ATRX: variants seen among roughly 807,000 people sequenced by gnomAD.
The protein encoded by ATRX is ATRX chromatin remodeler, also known as chromatin remodeler ATRX.
A neutral mutation model predicts 172.6 loss-of-function variants in ATRX; 12 were observed. That is an observed-to-expected ratio of 0.07 (90% confidence interval 0.04 to 0.11). The LOEUF (loss-of-function observed/expected upper bound fraction) is 0.11, where lower values mean the gene tolerates loss of function less well. ATRX is among the 10% of genes least tolerant of loss of function. ATRX has a pLI of 1.00. For missense variants in ATRX, 1,368 were observed against 1,767.4 expected, an observed-to-expected ratio of 0.77 and a Z score of 4.05; for synonymous variants, 674 against 594.7, an observed-to-expected ratio of 1.13 and a Z score of -1.94.
At chrX:77,592,442 T>C (rs1421358913) in intron 26 of ATRX, among the ~76,000 whole-genome samples, 1 of 99,113 alleles carries the variant, frequency 1.0e-5, no homozygotes, top group Non-Finnish European at 2.0e-5. Context: ...GCATCTCAGA[T>C]ACTTTTAAAA....
intron 30 of ATRX, among the ~76,000 whole-genome samples, chrX:77,550,402 G>C (rs1380131101): frequency 8.9e-6 from 1 of 111,740 alleles, no homozygotes. Flanking sequence ...AAAGGCCTTT[G>C]ACAAAATTCA....
intron 1 of ATRX, among the ~76,000 whole-genome samples, chrX:77,717,486 T>C (rs1307406436): frequency 9.1e-6 from 1 of 109,434 alleles, no homozygotes; most frequent in African/African-American, 3.3e-5. Flanking sequence ...GCCTGTGGTC[T>C]CAGCTACTCA....
At chrX:77,614,533 A>C (rs1316525272) in intron 22 of ATRX, among the ~76,000 whole-genome samples, 3 of 112,017 alleles carry the variant, frequency 2.7e-5, no homozygotes, top group African/African-American at 9.7e-5. Context: ...AAAGCCCCCT[A>C]AATTCTTAAA....
Position 77,574,487 on chromosome X carries a change from A to T in ATRX, c.6218-129T>A, listed in dbSNP as rs185181400. The T allele has an allele frequency of 2.4e-5, 11 of 466,849 alleles. No individual in the cohort carries two copies. The African/African-American group carries it at 2.4e-4, about 10-fold the overall frequency. The allele number at this position is 466,849 out of a possible 1,213,427, so 38.5% of individuals were successfully genotyped here. On this transcript the variant is annotated intron_variant, in intron 27 of 34. Transcript: ENST00000373344. ...ATATTCTATTTGTATAGCAAAATAC[A>T]TTATATACTTTTCTTAATCAAGGAG...
chrX:77,590,058 G>C, intron 26 of ATRX, 118 bp from the exon 27 acceptor site: 1 of 630,453 alleles, frequency 1.6e-6, no homozygotes. Flanking sequence ...GGATTTTTTT[G>C]TAGAAATTAC....
chrX:77,585,735 G>A (rs1235952159), intron 27 of ATRX, among the ~76,000 whole-genome samples: 2 of 108,134 alleles, frequency 1.8e-5, no homozygotes, highest in Non-Finnish European at 3.8e-5. Flanking sequence ...AAGACTTGGA[G>A]ACAACCTAAG....
intron 1 of ATRX, among the ~76,000 whole-genome samples, chrX:77,725,199 T>C (rs782111067): frequency 1.3e-4 from 14 of 111,512 alleles, no homozygotes; most frequent in Admixed American, 7.7e-4. Flanking sequence ...GCTGGAGGCA[T>C]CACGCTACCT....
At chrX:77,650,440 CT>C (rs2069155067) in intron 15 of ATRX, among the ~76,000 whole-genome samples, 1 of 111,734 alleles carries the variant, frequency 8.9e-6, no homozygotes, top group Admixed American at 9.5e-5. Flanking sequence ...CAAAAATAAT[CT>C]GGTTTCTTAA....
At chrX:77,658,262 C>T (rs886663106) in intron 12 of ATRX, among the ~76,000 whole-genome samples, 1 of 112,150 alleles carries the variant, frequency 8.9e-6, no homozygotes, top group Non-Finnish European at 1.9e-5. Context: ...GCACTGAAGA[C>T]ACAACATCAC....
chrX:77,757,927 C>T (rs1251219301), intron 1 of ATRX, among the ~76,000 whole-genome samples: 1 of 109,644 alleles, frequency 9.1e-6, no homozygotes, highest in African/African-American at 3.3e-5. Context: ...GCCTCGGCCT[C>T]CCAATTGACT....
In ATRX at chrX:77,508,538, GC is replaced by G. The variant is rs1448387572; in HGVS notation, c.7291del (p.Ala2431GlnfsTer7). ...QQQQQMTYQQ[A>X]TLGHLMMPKP... ...TGGCATCATGAGGTGACCCAGTGTT[GC>G]TTGTTGATAAGTCATTTGTTGCTGT... is the stretch of plus-strand genomic sequence containing the variant. On this transcript the variant is annotated frameshift_variant, in exon 35 of 35. Transcript: ENST00000373344. LOFTEE classifies it high-confidence loss of function. The G allele has an allele frequency of 8.3e-7, 1 of 1,209,919 alleles. No homozygotes were observed. The highest frequency in any genetic ancestry group is 1.1e-6 in the Non-Finnish European group (1 of 895,256).
chrX:77,591,578 T>C (rs2066256222), intron 26 of ATRX, among the ~76,000 whole-genome samples: 1 of 111,407 alleles, frequency 9.0e-6, no homozygotes, highest in Non-Finnish European at 1.9e-5. Context: ...ACCACTTAAG[T>C]GTTTTTTATT....
chrX:77,663,691 G>A, intron 11 of ATRX, 133 bp from the exon 12 acceptor site: 2 of 508,368 alleles, frequency 3.9e-6, no homozygotes, highest in Non-Finnish European at 6.6e-6. Flanking sequence ...TATCATTGGT[G>A]TTATCAGGTA....
chrX:77,750,236 AC>A (rs2075246790), intron 1 of ATRX, among the ~76,000 whole-genome samples: 1 of 111,859 alleles, frequency 8.9e-6, no homozygotes, highest in African/African-American at 3.2e-5. Context: ...CAGGAAAAAA[AC>A]ATAAGTGTAT....
In ATRX at chrX:77,523,395, T is replaced by C. The variant is rs782595549; in HGVS notation, c.6706A>G (p.Ile2236Val). The C allele has an allele frequency of 3.3e-6, 4 of 1,207,706 alleles. No individual in the cohort carries two copies. Among genetic ancestry groups the C allele is most frequent in the Non-Finnish European group, 4.5e-6 (4 of 892,028 alleles). ...TGTATCTGAAGGAGCTCTGCAAGTA[T>C]GGTATCCTGTTTAGAGGGGTTGAAA... is the stretch of plus-strand genomic sequence containing the variant. ...RDTPMLPKDT[I>V]LAELLQIHKE... Residue 2236 changes from isoleucine (I) to valine (V), a missense_variant, in exon 31 of 35, where the codon ATA becomes GTA. Physicochemically the swap from Ile to Val is conservative, Grantham distance 29 (BLOSUM62 3). This residue lies in a region of ATRX where 18 missense variants were observed against 52.4 expected (regional missense o/e 0.34). Coordinates refer to ENST00000373344, the MANE Select transcript of ATRX (RefSeq NM_000489.6).
Position 77,606,937 on chromosome X carries a change from C to G in ATRX, c.5567-6373G>C, listed in dbSNP as rs574147585. Among the ~76,000 whole-genome samples, 5 of 111,189 alleles carry G rather than the reference C, an allele frequency of 4.5e-5. No individual in the cohort carries two copies. In the Admixed American group the frequency reaches 4.8e-4, roughly 11 times the overall value. On this transcript the variant is annotated intron_variant, in intron 22 of 34. Transcript: ENST00000373344. Reference sequence around the variant, plus strand: ...AGCACATGTGATAATATTCAACATCCCTTCATAATAAAAAGCCCTAAAAAA... The same window carrying G: ...AGCACATGTGATAATATTCAACATCGCTTCATAATAAAAAGCCCTAAAAAA...
chrX:77,543,597 G>T (rs968804734), intron 30 of ATRX, among the ~76,000 whole-genome samples: 3 of 111,826 alleles, frequency 2.7e-5, no homozygotes, highest in African/African-American at 9.8e-5. Context: ...AGAAAACGTG[G>T]CATATATACA....
chrX:77,672,022 T>C (rs1029648166), intron 10 of ATRX, among the ~76,000 whole-genome samples: 1 of 110,933 alleles, frequency 9.0e-6, no homozygotes, highest in Non-Finnish European at 1.9e-5. Context: ...ACACCTGTGT[T>C]ATACTTAAAT....
At chrX:77,572,268 C>T (rs999586263) in intron 28 of ATRX, among the ~76,000 whole-genome samples, 30 of 110,854 alleles carry the variant, frequency 2.7e-4, no homozygotes, top group African/African-American at 8.8e-4. Flanking sequence ...TGAGTGCCAA[C>T]GTAACACTCG....
Sources: allele counts gnomAD v4.1 joint callset (sites outside exome capture counted in the v4.1 genomes callset), GRCh38; gene constraint gnomAD v4.1.1; regional missense constraint gnomAD v4.1.1; transcripts MANE v1.5; gene names NCBI Gene and HGNC (gene_info 2026-07-23, HGNC 2026-07-21).